NKAIN2: variants seen among roughly 807,000 people sequenced by gnomAD.
The protein encoded by NKAIN2 is sodium/potassium transporting ATPase interacting 2, also known as sodium/potassium-transporting ATPase subunit beta-1-interacting protein 2.
In NKAIN2, 14 loss-of-function variants were observed where a neutral mutation model predicts 32.6. That is an observed-to-expected ratio of 0.43 (90% CI 0.28 to 0.67). The LOEUF (loss-of-function observed/expected upper bound fraction) is 0.67, where lower values mean the gene tolerates loss of function less well. Among genes scored for constraint, NKAIN2 ranks in the 30% least tolerant of loss-of-function variants. The pLI, the probability that NKAIN2 is intolerant of heterozygous loss-of-function variation, is 0.17. For synonymous variants in NKAIN2, 80 were observed against 87.2 expected, an observed-to-expected ratio of 0.92 and a Z score of 0.46; for missense variants, 198 against 258.3, an observed-to-expected ratio of 0.77 and a Z score of 1.60.
chr6:124,620,124 T>C (rs1783053053), intron 3 of NKAIN2, among the ~76,000 whole-genome samples: 1 of 152,154 alleles, frequency 6.6e-6, no homozygotes, highest in Non-Finnish European at 1.5e-5. Context: ...AGATGCACAG[T>C]TCCATAGACC....
chr6:124,728,741 A>G (rs1247030800), intron 4 of NKAIN2, among the ~76,000 whole-genome samples: 3 of 151,290 alleles, frequency 2.0e-5, no homozygotes, highest in African/African-American at 7.3e-5. Context: ...GACACAAAAA[A>G]CCCTTCAAAA....
At chr6:124,687,947 C>A (rs1223870999) in intron 4 of NKAIN2, among the ~76,000 whole-genome samples, 4 of 151,558 alleles carry the variant, frequency 2.6e-5, no homozygotes, top group Non-Finnish European at 5.9e-5. Flanking sequence ...GCCTTTTTAT[C>A]ACTGATTAAT....
chr6:123,816,045 T>G (rs6909311), intron 1 of NKAIN2, among the ~76,000 whole-genome samples: 20,094 of 152,084 alleles, frequency 0.13, 2,845 homozygotes, highest in African/African-American at 0.35. Flanking sequence ...ACAATATATG[T>G]GGTACTAGTA....
intron 3 of NKAIN2, among the ~76,000 whole-genome samples, chr6:124,400,015 T>C (rs1437097224): frequency 6.6e-6 from 1 of 152,170 alleles, no homozygotes; most frequent in African/African-American, 2.4e-5. Context: ...AATTAGAGAC[T>C]ATGTGAGATA....
At chr6:124,017,861 A>T (rs1461953715) in intron 1 of NKAIN2, among the ~76,000 whole-genome samples, 2 of 151,554 alleles carry the variant, frequency 1.3e-5, no homozygotes, top group African/African-American at 4.9e-5. Context: ...CATTTGGTGG[A>T]TCTACCATCC....
intron 1 of NKAIN2, among the ~76,000 whole-genome samples, chr6:124,096,233 A>G (rs759974424): frequency 6.6e-5 from 10 of 152,202 alleles, no homozygotes; most frequent in Non-Finnish European, 1.2e-4. Context: ...ATGATCCAAC[A>G]TTATCAACTC....
At chr6:123,985,932 G>T (rs1353357856) in intron 1 of NKAIN2, among the ~76,000 whole-genome samples, 3 of 152,100 alleles carry the variant, frequency 2.0e-5, no homozygotes, top group Non-Finnish European at 4.4e-5. Flanking sequence ...ATGTATTCAA[G>T]AACTGAAAAA....
chr6:124,456,346 A>G (rs570418439), intron 3 of NKAIN2, among the ~76,000 whole-genome samples: 55 of 151,958 alleles, frequency 3.6e-4, no homozygotes, highest in Middle Eastern at 6.8e-3. Context: ...CTATACATCT[A>G]TCTATCTGTG....
At chr6:123,925,830 A>G (rs1305196539) in intron 1 of NKAIN2, among the ~76,000 whole-genome samples, 1 of 152,150 alleles carries the variant, frequency 6.6e-6, no homozygotes, top group Admixed American at 6.6e-5. Flanking sequence ...TTCACATATT[A>G]TTTATTTGTC....
intron 1 of NKAIN2, among the ~76,000 whole-genome samples, chr6:123,837,782 G>A (rs1176448718): frequency 6.6e-6 from 1 of 152,048 alleles, no homozygotes; most frequent in Non-Finnish European, 1.5e-5. Flanking sequence ...TATTTAGAGG[G>A]AATCTGAGAC....
intron 3 of NKAIN2, among the ~76,000 whole-genome samples, chr6:124,420,720 G>C (rs1774708026): frequency 6.6e-6 from 1 of 152,082 alleles, no homozygotes; most frequent in East Asian, 1.9e-4. Flanking sequence ...TCACATCAAA[G>C]ACATCCAAAG....
intron 1 of NKAIN2, among the ~76,000 whole-genome samples, chr6:123,926,683 C>G (rs546610203): frequency 2.3e-4 from 35 of 152,222 alleles, no homozygotes; most frequent in African/African-American, 7.7e-4. Flanking sequence ...TTGGTTTTTT[C>G]AGACTGTGTT....
chr6:124,662,573 T>C (rs982330479), intron 4 of NKAIN2, among the ~76,000 whole-genome samples: 1 of 152,228 alleles, frequency 6.6e-6, no homozygotes, highest in East Asian at 1.9e-4. Context: ...ATAAAATGCA[T>C]ACATTGGGGT....
At chr6:124,688,238 C>T (rs1774084162) in intron 4 of NKAIN2, among the ~76,000 whole-genome samples, 1 of 152,050 alleles carries the variant, frequency 6.6e-6, no homozygotes, top group Non-Finnish European at 1.5e-5. Context: ...ATATTTGTAT[C>T]ATGTACTCTG....
intron 2 of NKAIN2, among the ~76,000 whole-genome samples, chr6:124,331,877 T>A (rs62434698): frequency 0.021 from 3,212 of 152,286 alleles, 66 homozygotes; most frequent in Non-Finnish European, 0.031. Flanking sequence ...ACTTGATTTT[T>A]ATGCTGATTT....
At chr6:124,125,470 TAATGGGATGGTAG>T (rs1786113707) in intron 1 of NKAIN2, among the ~76,000 whole-genome samples, 1 of 152,158 alleles carries the variant, frequency 6.6e-6, no homozygotes, top group Non-Finnish European at 1.5e-5. Flanking sequence ...TCAAAATGAC[TAATGGGATGGTAG>T]GGAAAAGTAT....
At chr6:124,388,101 C>T (rs1490611234) in intron 3 of NKAIN2, among the ~76,000 whole-genome samples, 1 of 151,972 alleles carries the variant, frequency 6.6e-6, no homozygotes, top group Non-Finnish European at 1.5e-5. Context: ...GTCAACAGTT[C>T]CAAGGTTCAG....
intron 1 of NKAIN2, among the ~76,000 whole-genome samples, chr6:124,122,827 C>T (rs1036675687): frequency 2.0e-5 from 3 of 152,022 alleles, no homozygotes; most frequent in East Asian, 3.9e-4. Context: ...ATTCTCTTCC[C>T]CCAAAGTATC....
chr6:124,534,637 G>A (rs1162399367), intron 3 of NKAIN2, among the ~76,000 whole-genome samples: 13 of 152,324 alleles, frequency 8.5e-5, no homozygotes, highest in Non-Finnish European at 1.3e-4. Flanking sequence ...TTTGGGATAT[G>A]TAAGAATGGT....
Sources: gnomAD v4.1 joint callset for allele counts (sites outside exome capture counted in the v4.1 genomes callset) on GRCh38, gnomAD v4.1.1 for gene constraint, MANE v1.5 for transcripts, NCBI Gene and HGNC (gene_info 2026-07-23, HGNC 2026-07-21) for gene names.